IRAK2: variants seen among roughly 807,000 people sequenced by gnomAD.
IRAK2 encodes the protein interleukin 1 receptor associated kinase 2, also known as interleukin-1 receptor-associated kinase-like 2.
A neutral mutation model predicts 72.0 loss-of-function variants in IRAK2; 57 were observed. The ratio of observed to expected loss-of-function variants is 0.79; its 90% CI spans 0.64 to 0.99. The LOEUF (loss-of-function observed/expected upper bound fraction) is 0.99. Ranked by LOEUF, IRAK2 falls within the 50% of genes least tolerant of loss-of-function variation. The pLI is 0.00. For synonymous variants in IRAK2, 293 were observed against 312.7 expected, an observed-to-expected ratio of 0.94 and a Z score of 0.67; for missense variants, 790 against 794.4, an observed-to-expected ratio of 0.99 and a Z score of 0.07.
At position 10,177,959 on chromosome 3, in the gene IRAK2, G is replaced by A; in HGVS notation, c.216G>A (p.Gln72=). The A allele has an allele frequency of 1.9e-6, 3 of 1,613,780 alleles. No homozygotes were observed. The highest frequency in any genetic ancestry group is 2.5e-6 in the Non-Finnish European group (3 of 1,180,048). ...GGGGCATGCGGCAGGCCACCGTCCAGCAACTTGTGGACCTCCTGTGCCGCC... is the reference window on the plus strand; with the variant it reads ...GGGGCATGCGGCAGGCCACCGTCCAACAACTTGTGGACCTCCTGTGCCGCC... ...WWWGMRQATV[Q]QLVDLLCRLE... The change falls in exon 2 of 13, where the codon CAG becomes CAA. Residue 72 remains glutamine (Q), a synonymous_variant. Transcript: ENST00000256458.
At chr3:10,201,614 T>A (rs1401350220) in intron 3 of IRAK2, among the ~76,000 whole-genome samples, 1 of 152,250 alleles carries the variant, frequency 6.6e-6, no homozygotes, top group Non-Finnish European at 1.5e-5. Flanking sequence ...CAGATTTGTC[T>A]CCGTCGCCTG....
chr3:10,221,052 C>T (rs1024258820), intron 8 of IRAK2, among the ~76,000 whole-genome samples: 1 of 151,842 alleles, frequency 6.6e-6, no homozygotes, highest in East Asian at 1.9e-4. Context: ...ACTCCTGGCA[C>T]ACACACCCGT....
At chr3:10,220,590 T>A (rs1697672124) in intron 8 of IRAK2, among the ~76,000 whole-genome samples, 1 of 151,920 alleles carries the variant, frequency 6.6e-6, no homozygotes, top group East Asian at 1.9e-4. Context: ...TTACAGGTGC[T>A]CGCCACCACA....
intron 2 of IRAK2, among the ~76,000 whole-genome samples, chr3:10,181,348 G>A (rs550729783): frequency 1.5e-4 from 23 of 152,134 alleles, no homozygotes; most frequent in Admixed American, 3.3e-4. Flanking sequence ...GGTGGCTCAC[G>A]CGTGTAATCC....
intron 11 of IRAK2, among the ~76,000 whole-genome samples, chr3:10,236,514 AT>A (rs1412207605): frequency 1.3e-5 from 2 of 151,590 alleles, no homozygotes; most frequent in African/African-American, 4.9e-5. Context: ...CACCCAGCTA[AT>A]TTTTGTATTT....
At chr3:10,207,798 G>C (rs900151361) in intron 3 of IRAK2, among the ~76,000 whole-genome samples, 3 of 152,046 alleles carry the variant, frequency 2.0e-5, no homozygotes, top group Non-Finnish European at 4.4e-5. Flanking sequence ...TTCAAAACCA[G>C]CCTGGCCAAC....
At chr3:10,215,901 G>T (rs553967824) in intron 6 of IRAK2, among the ~76,000 whole-genome samples, 2 of 152,304 alleles carry the variant, frequency 1.3e-5, no homozygotes, top group Non-Finnish European at 2.9e-5. Flanking sequence ...GGGTAGTTAA[G>T]CCCTTTTCTA....
At chr3:10,236,093 C>A (rs776026771) in intron 11 of IRAK2, among the ~76,000 whole-genome samples, 1 of 152,058 alleles carries the variant, frequency 6.6e-6, no homozygotes, top group Non-Finnish European at 1.5e-5. Flanking sequence ...ATGATGAGGA[C>A]CCCACCCTGT....
At chr3:10,166,254 G>A (rs971723849) in intron 1 of IRAK2, among the ~76,000 whole-genome samples, 3 of 152,232 alleles carry the variant, frequency 2.0e-5, no homozygotes, top group Non-Finnish European at 4.4e-5. Context: ...TAGATTCAGT[G>A]TGTATAATGG....
At chr3:10,180,585 G>T (rs147370873) in intron 2 of IRAK2, among the ~76,000 whole-genome samples, 19 of 152,202 alleles carry the variant, frequency 1.2e-4, no homozygotes, top group African/African-American at 4.6e-4. Context: ...GACACCTGGG[G>T]AGGAGCTGTC....
chr3:10,224,521 G>GGCACCCT (rs1047709069), intron 9 of IRAK2, among the ~76,000 whole-genome samples: 6 of 120,732 alleles, frequency 5.0e-5, no homozygotes, highest in African/African-American at 6.3e-5. Context: ...AGGTGAGCAT[G>GGCACCCT]GCACCCTGCA....
intron 3 of IRAK2, among the ~76,000 whole-genome samples, chr3:10,201,132 C>T (rs1223349314): frequency 6.6e-6 from 1 of 152,220 alleles, no homozygotes; most frequent in Admixed American, 6.5e-5. Flanking sequence ...TTTCTAGTGC[C>T]AGACACTATT....
At chr3:10,209,914 T>A (rs1575975233) in intron 4 of IRAK2, among the ~76,000 whole-genome samples, 2 of 152,278 alleles carry the variant, frequency 1.3e-5, no homozygotes, top group East Asian at 3.9e-4. Flanking sequence ...TCTTGTTTTT[T>A]AATTTGTTAT....
intron 3 of IRAK2, among the ~76,000 whole-genome samples, chr3:10,208,737 T>C (rs1458994395): frequency 6.6e-6 from 1 of 150,414 alleles, no homozygotes; most frequent in Non-Finnish European, 1.5e-5. Context: ...CACTCCAGCC[T>C]GGGCAACAGA....
chr3:10,191,931 G>A (rs779141654), intron 2 of IRAK2, among the ~76,000 whole-genome samples: 22 of 152,174 alleles, frequency 1.4e-4, no homozygotes, highest in Non-Finnish European at 2.6e-4. Context: ...AGCAGGTGGA[G>A]TACAAGTTCA....
intron 1 of IRAK2, among the ~76,000 whole-genome samples, chr3:10,172,006 G>A (rs528885897): frequency 1.3e-3 from 191 of 152,208 alleles, no homozygotes; most frequent in African/African-American, 3.7e-3. Flanking sequence ...GGGAGGCCAA[G>A]GTGGGAGGAC....
At chr3:10,184,931 G>C (rs1475450560) in intron 2 of IRAK2, among the ~76,000 whole-genome samples, 2 of 150,280 alleles carry the variant, frequency 1.3e-5, no homozygotes, top group African/African-American at 5.0e-5. Context: ...TAGAGACGGG[G>C]TTTCACCGTG....
rs555286249 is a variant in IRAK2 at position 10,186,146 on chromosome 3, G to A, written c.277+8126G>A. 9.2e-5 allele frequency among the ~76,000 whole-genome samples: 14 copies of A among 151,782 alleles called. 1 individual carries two copies. Among genetic ancestry groups the A allele is most frequent in the South Asian group, 8.3e-4 (4 of 4,822 alleles). On this transcript the variant is annotated intron_variant, in intron 2 of 12. Coordinates refer to ENST00000256458, the MANE Select transcript of IRAK2 (RefSeq NM_001570.4). ...GATTTCTGGGAAGTGGAGCTTCCAC[G>A]TTCATTATTCTCTGTGGCCTTATCT...
chr3:10,231,427 G>A (rs1655735322), intron 10 of IRAK2, among the ~76,000 whole-genome samples: 1 of 151,972 alleles, frequency 6.6e-6, no homozygotes, highest in African/African-American at 2.4e-5. Context: ...ATGTAGCTGG[G>A]ATCACAGGTG....
Sources: gnomAD v4.1 joint callset for allele counts (sites outside exome capture counted in the v4.1 genomes callset) on GRCh38, gnomAD v4.1.1 for gene constraint, MANE v1.5 for transcripts, NCBI Gene and HGNC (gene_info 2026-07-23, HGNC 2026-07-21) for gene names.